The following TRPC1 variants were observed in gnomAD, a reference collection of about 807,000 sequenced individuals.
TRPC1 encodes the protein short transient receptor potential channel 1.
A neutral mutation model predicts 88.2 loss-of-function variants in TRPC1; 42 were observed. The ratio of observed to expected loss-of-function variants is 0.48; its 90% CI spans 0.37 to 0.62. TRPC1 has a LOEUF of 0.62. Among genes scored for constraint, TRPC1 ranks in the 20% least tolerant of loss-of-function variants. The probability of loss-of-function intolerance (pLI) is 0.00; values close to 1 mark genes in which losing one functional copy is unlikely to be tolerated. For synonymous variants in TRPC1, 288 were observed against 331.8 expected (o/e 0.87, Z 1.43); for missense variants, 699 against 957.3 (o/e 0.73, Z 3.56).
intron 1 of TRPC1, among the ~76,000 whole-genome samples, chr3:142,726,406 G>A (rs1933669994): frequency 6.6e-6 from 1 of 152,082 alleles, no homozygotes; most frequent in South Asian, 2.1e-4. Flanking sequence ...CTATTTAGTA[G>A]TACCAGGTGA....
rs560843749 is a variant in TRPC1, at chr3:142,741,235, A to G, written c.328-2250A>G. On this transcript the variant is annotated intron_variant, in intron 2 of 12. Transcript: ENST00000476941. Reference sequence around the variant, plus strand: ...AACATTTATTTCTCTCATAACTGCCATTGATTTATCAAATAACATACCATT... The same window carrying G: ...AACATTTATTTCTCTCATAACTGCCGTTGATTTATCAAATAACATACCATT... Among the ~76,000 whole-genome samples, 67 of 140,008 alleles carry G rather than the reference A, an allele frequency of 4.8e-4. 3 individuals carry two copies. In the South Asian group the frequency reaches 0.015, roughly 31 times the overall value. The allele number at this position is 140,008 out of a possible 152,430, so 91.9% of individuals were successfully genotyped here.
At chr3:142,756,910 GGTAGCCACCA>G (rs1934990783) in intron 4 of TRPC1, among the ~76,000 whole-genome samples, 1 of 151,886 alleles carries the variant, frequency 6.6e-6, no homozygotes, top group South Asian at 2.1e-4. Context: ...CCTGGCCTCT[GGTAGCCACCA>G]GTCTACTCTC....
At chr3:142,748,990 G>C (rs1934655474) in intron 4 of TRPC1, among the ~76,000 whole-genome samples, 1 of 152,158 alleles carries the variant, frequency 6.6e-6, no homozygotes, top group African/African-American at 2.4e-5. Context: ...GGTTGAGCAA[G>C]ATCACACGTG....
chr3:142,792,763 G>C lies in TRPC1; in HGVS notation c.1438-61G>C. ...CTTTCTTTCAACAGTCAGAATATTT[G>C]CTTTTATTTTCCTAAATTGAGAGAG... On this transcript the variant is annotated intron_variant, in intron 8 of 12. Transcript: ENST00000476941. The surrounding 1 kb of genome is among the most constrained non-coding windows in gnomAD (Gnocchi z 4.0). 1.4e-6 allele frequency: 2 copies of C among 1,451,928 alleles called. No individual in the cohort carries two copies. Among genetic ancestry groups the C allele is most frequent in the Non-Finnish European group, 1.8e-6 (2 of 1,099,490 alleles). The allele number at this position is 1,451,928 out of a possible 1,614,324, so 89.9% of individuals were successfully genotyped here. A position where few individuals can be genotyped will look rare whatever the true frequency, so the allele number is the denominator to read the frequency against.
chr3:142,759,645 G>A (rs1262087349), intron 4 of TRPC1, among the ~76,000 whole-genome samples: 1 of 151,920 alleles, frequency 6.6e-6, no homozygotes, highest in African/African-American at 2.4e-5. Context: ...TTCCCATTCT[G>A]TAGGTTGTAG....
At chr3:142,794,145 T>TA (rs1936380459) in intron 9 of TRPC1, among the ~76,000 whole-genome samples, 1 of 152,170 alleles carries the variant, frequency 6.6e-6, no homozygotes, top group African/African-American at 2.4e-5. Flanking sequence ...CAAAACACAG[T>TA]AAGCCATAGA....
intron 1 of TRPC1, among the ~76,000 whole-genome samples, chr3:142,732,771 T>C (rs1933973233): frequency 1.3e-5 from 2 of 152,230 alleles, no homozygotes; most frequent in Admixed American, 1.3e-4. Context: ...CTATGTGTTA[T>C]ATTTTAAAAG....
At chr3:142,782,770 G>A (rs1936004604) in intron 6 of TRPC1, among the ~76,000 whole-genome samples, 1 of 152,178 alleles carries the variant, frequency 6.6e-6, no homozygotes, top group African/African-American at 2.4e-5. Context: ...GAGAGGCATG[G>A]CCATCACAAT....
intron 1 of TRPC1, among the ~76,000 whole-genome samples, chr3:142,736,010 G>A (rs533290964): frequency 1.2e-4 from 18 of 151,884 alleles, no homozygotes; most frequent in African/African-American, 3.9e-4. Context: ...AATTCTTTAA[G>A]CTTTTTCCAT....
intron 9 of TRPC1, among the ~76,000 whole-genome samples, chr3:142,796,047 CTT>C (rs1383396597): frequency 6.6e-6 from 1 of 152,038 alleles, no homozygotes; most frequent in African/African-American, 2.4e-5. Flanking sequence ...GTTCTAAAGT[CTT>C]TATTCACATT....
At chr3:142,789,899 A>G (rs1226885095) in intron 7 of TRPC1, among the ~76,000 whole-genome samples, 3 of 152,216 alleles carry the variant, frequency 2.0e-5, no homozygotes, top group South Asian at 4.1e-4. Context: ...AAATAAAACA[A>G]AGATTCTTAC....
rs867436781 is a variant in TRPC1, at chr3:142,763,935, C to T, written c.633-13697C>T. The stretch of plus-strand genomic sequence containing the variant: ...TTGCAGTCCAGCCTGGGCAATAGAG[C>T]GAGACTCCGTCTCAAAAAAAAGAAA... On this transcript the variant is annotated intron_variant, in intron 4 of 12. Transcript: ENST00000476941. Among the ~76,000 whole-genome samples the T allele has an allele frequency of 6.7e-4, 47 of 70,618 alleles. No homozygotes were observed. In the South Asian group the frequency reaches 0.011, roughly 16 times the overall value. 46.3% of individuals were successfully genotyped at this position (70,618 alleles called of 152,430 possible).
chr3:142,762,428 A>ATTTTTTTTTT (rs755194552), intron 4 of TRPC1, among the ~76,000 whole-genome samples: 4 of 103,660 alleles, frequency 3.9e-5, no homozygotes, highest in Non-Finnish European at 7.8e-5. Flanking sequence ...TTTATTCTTG[A>ATTTTTTTTTT]TTTTTTTTTT....
rs780668933 is a variant in TRPC1, at chr3:142,777,612, G to A, written c.633-20G>A. 6 of 1,546,860 alleles carry A rather than the reference G, an allele frequency of 3.9e-6. No individual in the cohort carries two copies. The African/African-American group carries it at 8.2e-5, about 21-fold the overall frequency. The stretch of plus-strand genomic sequence containing the variant: ...TGTGTATAAGTTTATTTTACATTAT[G>A]GAATCCAATTTTATCACAGGTTTCG... On this transcript the variant is annotated intron_variant, in intron 4 of 12. Coordinates refer to ENST00000476941, the MANE Select transcript of TRPC1 (RefSeq NM_001251845.2).
Position 142,801,601 on chromosome 3 carries a change from C to G in TRPC1, c.1582-568C>G, listed in dbSNP as rs539284501. On this transcript the variant is annotated intron_variant, in intron 9 of 12. Coordinates refer to ENST00000476941, the MANE Select transcript of TRPC1 (RefSeq NM_001251845.2). Reference sequence around the variant, plus strand: ...ATACTCACTACTAATACTGGACACCCTCATTTGGCTTGCACACATAATATT... The same window carrying G: ...ATACTCACTACTAATACTGGACACCGTCATTTGGCTTGCACACATAATATT... Among the ~76,000 whole-genome samples the G allele has an allele frequency of 7.9e-5, 12 of 152,214 alleles. 1 individual carries two copies. In the South Asian group the frequency reaches 2.5e-3, roughly 32 times the overall value.
At chr3:142,732,546 T>A (rs542912131) in intron 1 of TRPC1, among the ~76,000 whole-genome samples, 1 of 152,054 alleles carries the variant, frequency 6.6e-6, no homozygotes, top group Non-Finnish European at 1.5e-5. Context: ...TATTGCAGAG[T>A]CCAGGAGGAA....
intron 9 of TRPC1, among the ~76,000 whole-genome samples, chr3:142,794,789 A>T (rs1936403685): frequency 1.3e-5 from 2 of 152,162 alleles, no homozygotes; most frequent in Admixed American, 1.3e-4. Context: ...GTCTTGCCTC[A>T]ATAGTTATCT....
intron 4 of TRPC1, among the ~76,000 whole-genome samples, chr3:142,751,873 A>G (rs142070715): frequency 4.3e-4 from 66 of 152,224 alleles, no homozygotes; most frequent in African/African-American, 1.5e-3. Context: ...AATTTTTTCT[A>G]TTTTCAAGTC....
intron 4 of TRPC1, among the ~76,000 whole-genome samples, chr3:142,760,217 T>C (rs1935137115): frequency 6.6e-6 from 1 of 152,206 alleles, no homozygotes; most frequent in Non-Finnish European, 1.5e-5. Flanking sequence ...TGAGGTTGTA[T>C]ATTTAAGTTT....
Sources: gnomAD v4.1 joint callset for allele counts (sites outside exome capture counted in the v4.1 genomes callset) on GRCh38, gnomAD v4.1.1 for gene constraint, Gnocchi (gnomAD v3.1) non-coding constraint, MANE v1.5 for transcripts, NCBI Gene and HGNC (gene_info 2026-07-23, HGNC 2026-07-21) for gene names.